MYO1H: variants seen among roughly 807,000 people sequenced by gnomAD.
The protein encoded by MYO1H is unconventional myosin-Ih.
MYO1H carries 118 observed loss-of-function variants against 149.3 expected under a neutral mutation model. The observed-to-expected ratio is 0.79, with a 90% CI of 0.68 to 0.92. The LOEUF (loss-of-function observed/expected upper bound fraction) is 0.92, where lower values mean the gene tolerates loss of function less well. Ranked by LOEUF, MYO1H falls within the 40% of genes least tolerant of loss-of-function variation. The pLI is 0.00. For synonymous variants in MYO1H, 447 were observed against 465.2 expected (o/e 0.96, Z 0.50); for missense variants, 1,212 against 1,280.7 (o/e 0.95, Z 0.82).
intron 28 of MYO1H, 55 bp from the exon 29 acceptor site, chr12:109,444,158 T>C (rs1235134281): frequency 7.4e-7 from 1 of 1,347,938 alleles, no homozygotes; most frequent in East Asian, 2.3e-5. Context: ...CTTCTTCCTC[T>C]GTACTAATGT....
At chr12:109,404,002 A>G (rs1870272166) in exon 7 of MYO1H, 1 of 1,613,710 alleles carries the variant, frequency 6.2e-7, no homozygotes, top group African/African-American at 1.3e-5. Context: ...CCAAAGAGTC[A>G]TCCATTAGTG....
chr12:109,363,712 CA>C (rs201211123), intron 1 of MYO1H, among the ~76,000 whole-genome samples: 2 of 148,572 alleles, frequency 1.3e-5, no homozygotes, highest in Non-Finnish European at 3.0e-5. Context: ...AACTCCGTCT[CA>C]AAAAAAAAGA....
At position 109,430,369 on chromosome 12, in the gene MYO1H, C is replaced by T. The variant is rs117258490; in HGVS notation, c.1950-2528C>T. On this transcript the variant is annotated intron_variant, in intron 19 of 31. Coordinates refer to ENST00000310903, the Ensembl canonical transcript of MYO1H. ...GACATAAGGTACTAGTCCCTCCAACCTGCAGGCATTTAGGGCCTCTCCCCA... is the reference window on the plus strand; with the variant it reads ...GACATAAGGTACTAGTCCCTCCAACTTGCAGGCATTTAGGGCCTCTCCCCA... 4.2e-3 allele frequency among the ~76,000 whole-genome samples: 647 copies of T among 152,308 alleles called. 3 individuals carry two copies. The highest frequency in any genetic ancestry group is 7.5e-3 in the Non-Finnish European group (511 of 68,022).
chr12:109,405,194 C>A (rs538712592), intron 7 of MYO1H, among the ~76,000 whole-genome samples: 1 of 151,638 alleles, frequency 6.6e-6, no homozygotes, highest in Admixed American at 6.6e-5. Context: ...GCCTGGGTGA[C>A]AGAGCAAGAC....
rs56744077 is a variant in MYO1H, at chr12:109,406,467, TAAAAAA to T, written c.964-294_964-289del. On this transcript the variant is annotated intron_variant, in intron 8 of 31. Coordinates refer to ENST00000310903, the Ensembl canonical transcript of MYO1H. Reference sequence around the variant, plus strand: ...GGCAACATAGTGAGACCCTATCTCTTAAAAAAAAAAAAAAAAAAAAAAAAAAAAAAA... The same window carrying T: ...GGCAACATAGTGAGACCCTATCTCTTAAAAAAAAAAAAAAAAAAAAAAAAA... 5.6e-3 allele frequency among the ~76,000 whole-genome samples: 244 copies of T among 43,590 alleles called. 1 individual carries two copies. The highest frequency in any genetic ancestry group is 0.016 in the African/African-American group (159 of 10,070). 28.6% of individuals were successfully genotyped at this position (43,590 alleles called of 152,430 possible).
intron 2 of MYO1H, 127 bp downstream of exon 2, chr12:109,388,971 C>A: frequency 8.4e-7 from 1 of 1,195,556 alleles, no homozygotes; most frequent in Non-Finnish European, 1.1e-6. Context: ...TGAGGCGCCA[C>A]TCTTAGATGC....
intron 6 of MYO1H, 117 bp downstream of exon 6, chr12:109,401,389 T>G: frequency 1.9e-6 from 2 of 1,047,468 alleles, no homozygotes; most frequent in Non-Finnish European, 2.7e-6. Flanking sequence ...ATGTGTCCTA[T>G]TGGCTGATTT....
intron 1 of MYO1H, among the ~76,000 whole-genome samples, chr12:109,383,458 T>C (rs1244472833): frequency 6.6e-6 from 1 of 152,120 alleles, no homozygotes; most frequent in African/African-American, 2.4e-5. Context: ...GCCCCAAAAC[T>C]CAGAAGTTTC....
chr12:109,388,170 TAAAG>T lies in MYO1H; in HGVS notation c.13-509_13-506del, dbSNP rs2016508927. On this transcript the variant is annotated intron_variant, in intron 1 of 31. Coordinates refer to ENST00000310903, the Ensembl canonical transcript of MYO1H. The stretch of plus-strand genomic sequence containing the variant: ...TTTACACAATTAACACTTATTGAAA[TAAAG>T]AAAAATTAATTTTAAAAAAAGAAAA... 2.0e-5 allele frequency among the ~76,000 whole-genome samples: 3 copies of T among 151,286 alleles called. 1 individual carries two copies. In the East Asian group the frequency reaches 5.8e-4, roughly 29 times the overall value.
chr12:109,435,724 T>A (rs1871831137), intron 21 of MYO1H, among the ~76,000 whole-genome samples: 1 of 152,214 alleles, frequency 6.6e-6, no homozygotes, highest in Non-Finnish European at 1.5e-5. Context: ...TCGTCTCCGC[T>A]TTCTATGCAG....
intron 15 of MYO1H, among the ~76,000 whole-genome samples, chr12:109,416,439 T>C (rs906301648): frequency 2.0e-5 from 3 of 151,958 alleles, no homozygotes; most frequent in African/African-American, 7.2e-5. Context: ...CTTTTGTGTC[T>C]GGTTTCTTTC....
chr12:109,448,125 T>C (rs1284247359), exon 32 of MYO1H: 1 of 150,792 alleles, frequency 6.6e-6, no homozygotes, highest in Non-Finnish European at 1.5e-5. Context: ...GTAGCTCATG[T>C]ATTTCACAGT....
At chr12:109,446,354 A>T in intron 31 of MYO1H, 1 of 985,434 alleles carries the variant, frequency 1.0e-6, no homozygotes, top group Middle Eastern at 5.2e-4. Flanking sequence ...GAGGGAGCTG[A>T]ATCTTTAAAA....
At chr12:109,339,239 C>T in the MYO1H span, among the ~76,000 whole-genome samples, 1 of 152,066 alleles carries the variant, frequency 6.6e-6, no homozygotes, top group Admixed American at 6.6e-5. Flanking sequence ...GTGGCAGGCA[C>T]CTGTAATCCC....
chr12:109,388,710 C>G, exon 2 of MYO1H: 1 of 1,596,624 alleles, frequency 6.3e-7, no homozygotes, highest in African/African-American at 1.3e-5. Context: ...GAAACACATC[C>G]GTCTGCACAT....
At chr12:109,377,125 C>T (rs989056470) in intron 1 of MYO1H, among the ~76,000 whole-genome samples, 13 of 152,212 alleles carry the variant, frequency 8.5e-5, no homozygotes, top group Non-Finnish European at 8.8e-5. Context: ...AGTAAAATAT[C>T]TTCCCATTAA....
chr12:109,428,862 C>T (rs1566039326), intron 19 of MYO1H, among the ~76,000 whole-genome samples: 1 of 152,128 alleles, frequency 6.6e-6, no homozygotes, highest in Non-Finnish European at 1.5e-5. Flanking sequence ...GAACTTCATA[C>T]ATCTCTTGTC....
intron 20 of MYO1H, 82 bp from the exon 21 acceptor site, chr12:109,434,955 G>A (rs1871794578): frequency 1.3e-6 from 1 of 773,406 alleles, no homozygotes; most frequent in Non-Finnish European, 2.1e-6. Context: ...GAGTGGAAAT[G>A]AATTTTTGAA....
intron 1 of MYO1H, among the ~76,000 whole-genome samples, chr12:109,377,227 TAAAG>T (rs1850166752): frequency 6.6e-6 from 1 of 152,176 alleles, no homozygotes; most frequent in Non-Finnish European, 1.5e-5. Context: ...GAATAGTTTA[TAAAG>T]AAAGAAAGGT....
Sources: allele counts gnomAD v4.1 joint callset (sites outside exome capture counted in the v4.1 genomes callset), GRCh38; gene constraint gnomAD v4.1.1; transcripts MANE v1.5; gene names NCBI Gene and HGNC (gene_info 2026-07-23, HGNC 2026-07-21).